Variants in ESYT2 observed in about 807,000 individuals in gnomAD.
The protein encoded by ESYT2 is extended synaptotagmin-2.
ESYT2 carries 54 observed loss-of-function variants against 107.2 expected under a neutral mutation model. That is an observed-to-expected ratio of 0.50 (90% CI 0.40 to 0.63). The LOEUF is 0.63. Ranked by LOEUF, ESYT2 falls within the 30% of genes least tolerant of loss-of-function variation. The pLI, the probability that ESYT2 is intolerant of heterozygous loss-of-function variation, is 0.00. For missense variants in ESYT2, 1,020 were observed against 1,094.5 expected (o/e 0.93, Z 0.96); for synonymous variants, 491 against 434.1 (o/e 1.13, Z -1.63).
intron 1 of ESYT2, among the ~76,000 whole-genome samples, chr7:158,823,330 A>AT (rs1161962894): frequency 0.02 from 2,021 of 99,258 alleles, 66 homozygotes; most frequent in African/African-American, 0.069. Context: ...AAGACATTGG[A>AT]TTTTTTTTTT....
At position 158,767,643 on chromosome 7, in the gene ESYT2, G is replaced by A; in HGVS notation, c.924+11C>T. ...GTTTTTAAATGTGAATGGATGCCGG[G>A]ACACGCTTACCTTTGGTACAGGAAA... On this transcript the variant is annotated intron_variant, in intron 8 of 22. Transcript: ENST00000275418. The A allele has an allele frequency of 6.2e-7, 1 of 1,606,712 alleles. No homozygotes were observed. The highest frequency in any genetic ancestry group is 8.5e-7 in the Non-Finnish European group (1 of 1,176,056).
At chr7:158,782,111 T>G (rs1838869546) in intron 6 of ESYT2, among the ~76,000 whole-genome samples, 1 of 144,328 alleles carries the variant, frequency 6.9e-6, no homozygotes, top group African/African-American at 2.6e-5. Context: ...CAACAAAGTG[T>G]GAGGTGTGAG....
At chr7:158,743,856 T>G (rs1042572103) in intron 16 of ESYT2, 178 bp from the exon 17 acceptor site, 1 of 598,104 alleles carries the variant, frequency 1.7e-6, no homozygotes. Context: ...TCAGATCACC[T>G]GAGGCCAGGG....
intron 1 of ESYT2, among the ~76,000 whole-genome samples, chr7:158,823,615 C>T (rs1182891262): frequency 6.6e-6 from 1 of 152,042 alleles, no homozygotes; most frequent in Non-Finnish European, 1.5e-5. Context: ...TGTGAGCCAC[C>T]GCACCCAGCC....
At chr7:158,768,727 CT>C (rs1354973616) in intron 7 of ESYT2, among the ~76,000 whole-genome samples, 8 of 152,208 alleles carry the variant, frequency 5.3e-5, no homozygotes, top group African/African-American at 1.9e-4. Flanking sequence ...CAAAGATGTA[CT>C]TTTAATATAT....
At chr7:158,812,425 C>G (rs1403020349) in intron 1 of ESYT2, among the ~76,000 whole-genome samples, 1 of 152,206 alleles carries the variant, frequency 6.6e-6, no homozygotes, top group Non-Finnish European at 1.5e-5. Context: ...TTTACATCCA[C>G]TAGGACAGCA....
chr7:158,761,252 C>T (rs7803985), intron 11 of ESYT2, among the ~76,000 whole-genome samples: 2,519 of 152,278 alleles, frequency 0.017, 66 homozygotes, highest in African/African-American at 0.057. Flanking sequence ...GCTTCATATC[C>T]GTAAGGATTC....
intron 1 of ESYT2, among the ~76,000 whole-genome samples, chr7:158,819,398 TATATC>T (rs1840230512): frequency 6.6e-6 from 1 of 152,352 alleles, no homozygotes; most frequent in South Asian, 2.1e-4. Flanking sequence ...CTCTTCTCAT[TATATC>T]ATATCTCACA....
At chr7:158,807,254 GA>G (rs372309924) in intron 1 of ESYT2, among the ~76,000 whole-genome samples, 17 of 117,226 alleles carry the variant, frequency 1.5e-4, no homozygotes, top group South Asian at 5.8e-4. Context: ...CCGTCTGAAG[GA>G]AAAAAAAAAA....
chr7:158,828,750 G>C (rs1840531485), intron 1 of ESYT2, among the ~76,000 whole-genome samples: 1 of 152,064 alleles, frequency 6.6e-6, no homozygotes, highest in Non-Finnish European at 1.5e-5. Context: ...GAGTGGGCCG[G>C]AGGCCGGGGC....
chr7:158,826,021 G>GAAA (rs34601173), intron 1 of ESYT2, among the ~76,000 whole-genome samples: 15,379 of 119,772 alleles, frequency 0.13, 866 homozygotes, highest in East Asian at 0.17. Context: ...CTCATCTCTA[G>GAAA]AAAAAAAAAA....
chr7:158,761,133 C>T (rs73729985), intron 11 of ESYT2, among the ~76,000 whole-genome samples: 15,799 of 152,142 alleles, frequency 0.1, 1,254 homozygotes, highest in East Asian at 0.43. Flanking sequence ...GCCTTCTCCA[C>T]CATTCCCTCC....
At chr7:158,756,286 T>G (rs1837752488) in intron 13 of ESYT2, among the ~76,000 whole-genome samples, 1 of 152,198 alleles carries the variant, frequency 6.6e-6, no homozygotes, top group Non-Finnish European at 1.5e-5. Flanking sequence ...CTGAAGCAGG[T>G]GAAAACGGCT....
At chr7:158,774,714 C>T (rs368877004) in intron 6 of ESYT2, among the ~76,000 whole-genome samples, 85 of 152,340 alleles carry the variant, frequency 5.6e-4, no homozygotes, top group African/African-American at 2.0e-3. Context: ...AAGGTTGTTA[C>T]TTCTGATCAC....
In ESYT2 at chr7:158,773,666, T is replaced by C. The variant is rs1349059483; in HGVS notation, c.748-270A>G. 5.9e-5 allele frequency among the ~76,000 whole-genome samples: 9 copies of C among 152,322 alleles called. No homozygotes were observed. The South Asian group carries it at 1.0e-3, about 18-fold the overall frequency. ...CTCCTATGGATGGATACTTAGAATT[T>C]TGACAACTTTTCTTTATTGTAATTA... On this transcript the variant is annotated intron_variant, in intron 6 of 22. Coordinates refer to ENST00000275418, the MANE Select transcript of ESYT2 (RefSeq NM_001367773.1).
intron 1 of ESYT2, among the ~76,000 whole-genome samples, chr7:158,804,019 T>C (rs375415783): frequency 0.029 from 3 of 102 alleles, no homozygotes; most frequent in Admixed American, 0.12. Context: ...ACCCAAACCG[T>C]CGAGAAGGGT....
chr7:158,785,671 T>C lies in ESYT2; in HGVS notation c.747+2333A>G, dbSNP rs1287030651. Among the ~76,000 whole-genome samples the C allele has an allele frequency of 2.0e-5, 3 of 152,276 alleles. No individual in the cohort carries two copies. In the East Asian group the frequency reaches 5.8e-4, roughly 29 times the overall value. On this transcript the variant is annotated intron_variant, in intron 6 of 22. Coordinates refer to ENST00000275418, the MANE Select transcript of ESYT2 (RefSeq NM_001367773.1). ...GAAAACTGAGGCTTAGAGAAGTAAGTTGTTCAAAGGCTACAGTAAGAGAAA... is the reference window on the plus strand; with the variant it reads ...GAAAACTGAGGCTTAGAGAAGTAAGCTGTTCAAAGGCTACAGTAAGAGAAA...
intron 1 of ESYT2, among the ~76,000 whole-genome samples, chr7:158,824,972 G>A (rs561131534): frequency 3.9e-4 from 60 of 152,172 alleles, no homozygotes; most frequent in Admixed American, 1.9e-3. Flanking sequence ...CAAGCCTGGG[G>A]AACACAGCGA....
chr7:158,743,722 T>C lies in ESYT2; in HGVS notation c.1645-44A>G, dbSNP rs150720312. ...AAACACTGGCATAACTAGGATCATG[T>C]CTGCAGAACCTTTCTACGTTGTCTA... is the stretch of plus-strand genomic sequence containing the variant. On this transcript the variant is annotated intron_variant, in intron 16 of 22. Coordinates refer to ENST00000275418, the MANE Select transcript of ESYT2 (RefSeq NM_001367773.1). 127 of 1,577,430 alleles carry C rather than the reference T, an allele frequency of 8.1e-5. 1 individual carries two copies. The African/African-American group carries it at 8.3e-4, about 10-fold the overall frequency.
Sources: allele counts gnomAD v4.1 joint callset (sites outside exome capture counted in the v4.1 genomes callset), GRCh38; gene constraint gnomAD v4.1.1; transcripts MANE v1.5; gene names NCBI Gene and HGNC (gene_info 2026-07-23, HGNC 2026-07-21).